SPAG16: variants seen among roughly 807,000 people sequenced by gnomAD.
The protein encoded by SPAG16 is sperm associated antigen 16.
SPAG16 carries 86 observed loss-of-function variants against 80.4 expected under a neutral mutation model. The ratio of observed to expected loss-of-function variants is 1.07; its 90% CI spans 0.90 to 1.28. SPAG16 has a LOEUF of 1.28. SPAG16 is among the 50% of genes most tolerant of loss of function. The pLI is 0.00. For missense variants in SPAG16, 870 were observed against 765.3 expected, an observed-to-expected ratio of 1.14 and a Z score of -1.61; for synonymous variants, 294 against 265.9, an observed-to-expected ratio of 1.11 and a Z score of -1.03.
At chr2:213,709,263 T>A (rs919819088) in intron 10 of SPAG16, among the ~76,000 whole-genome samples, 1 of 152,188 alleles carries the variant, frequency 6.6e-6, no homozygotes, top group Admixed American at 6.5e-5. Context: ...CTTTCTCGTT[T>A]GAAATATGGA....
chr2:213,378,916 A>G (rs1036066119), intron 9 of SPAG16, among the ~76,000 whole-genome samples: 5 of 152,222 alleles, frequency 3.3e-5, no homozygotes, highest in African/African-American at 1.2e-4. Flanking sequence ...GTAGTCATGC[A>G]TACTCTTTGC....
intron 10 of SPAG16, among the ~76,000 whole-genome samples, chr2:213,855,370 C>T (rs781485939): frequency 1.3e-5 from 2 of 152,176 alleles, no homozygotes; most frequent in Non-Finnish European, 2.9e-5. Flanking sequence ...CTGGCTTTAC[C>T]ACTTCCTAGC....
intron 11 of SPAG16, among the ~76,000 whole-genome samples, chr2:213,874,405 A>G (rs2372300): frequency 0.59 from 90,393 of 151,952 alleles, 28,763 homozygotes; most frequent in South Asian, 0.85. Flanking sequence ...ATTTTTCTCT[A>G]TTTTTTATTT....
chr2:214,222,532 T>C (rs1309395776), intron 15 of SPAG16, among the ~76,000 whole-genome samples: 2 of 152,202 alleles, frequency 1.3e-5, no homozygotes, highest in African/African-American at 4.8e-5. Flanking sequence ...AATTTTAATC[T>C]CAGAAGAAAA....
chr2:214,139,492 A>G (rs952557753), intron 14 of SPAG16, among the ~76,000 whole-genome samples: 3 of 152,006 alleles, frequency 2.0e-5, no homozygotes, highest in Admixed American at 6.6e-5. Context: ...CATTCATCAT[A>G]TATTAATTAT....
chr2:214,302,050 A>G lies in SPAG16; in HGVS notation c.1721-108090A>G, dbSNP rs185934941. Among the ~76,000 whole-genome samples the G allele has an allele frequency of 2.1e-3, 323 of 152,192 alleles. 4 individuals carry two copies. Among genetic ancestry groups the G allele is most frequent in the African/African-American group, 7.4e-3 (307 of 41,516 alleles). ...TTGTTTGTTTGCCCAAAAGTTATTCAGGAGCAAGTTGTTTAGTTTCCATGT... is the reference window on the plus strand; with the variant it reads ...TTGTTTGTTTGCCCAAAAGTTATTCGGGAGCAAGTTGTTTAGTTTCCATGT... On this transcript the variant is annotated intron_variant, in intron 15 of 15. Coordinates refer to ENST00000331683, the MANE Select transcript of SPAG16 (RefSeq NM_024532.5).
intron 9 of SPAG16, chr2:213,396,571 C>T (rs911148360): frequency 1.8e-5 from 8 of 452,382 alleles, no homozygotes; most frequent in Non-Finnish European, 2.2e-5. Flanking sequence ...CTCTGTCTAA[C>T]TCCATGCCTC....
chr2:213,833,260 T>C (rs1389396802), intron 10 of SPAG16, among the ~76,000 whole-genome samples: 1 of 148,008 alleles, frequency 6.8e-6, no homozygotes, highest in African/African-American at 2.5e-5. Context: ...GCAGCAGGTG[T>C]TTTCTCTCTG....
intron 10 of SPAG16, among the ~76,000 whole-genome samples, chr2:213,534,604 A>T (rs2076178668): frequency 1.3e-5 from 2 of 152,152 alleles, no homozygotes; most frequent in African/African-American, 4.8e-5. Flanking sequence ...TCCCAAAAAC[A>T]TACTCATTGA....
intron 12 of SPAG16, among the ~76,000 whole-genome samples, chr2:214,009,102 C>T (rs1398334264): frequency 6.6e-6 from 1 of 152,118 alleles, no homozygotes; most frequent in Non-Finnish European, 1.5e-5. Flanking sequence ...AACCATAGAG[C>T]AGGAAATCTC....
At chr2:213,878,644 A>C (rs2106017077) in intron 11 of SPAG16, among the ~76,000 whole-genome samples, 1 of 152,188 alleles carries the variant, frequency 6.6e-6, no homozygotes, top group East Asian at 1.9e-4. Context: ...TCTGTGCAGA[A>C]GCTTTTCAGT....
intron 10 of SPAG16, among the ~76,000 whole-genome samples, chr2:213,684,605 C>G (rs9679714): frequency 6.6e-6 from 1 of 151,876 alleles, no homozygotes; most frequent in Non-Finnish European, 1.5e-5. Flanking sequence ...TCTATATAAA[C>G]TATATGTGTT....
chr2:213,964,973 A>G (rs2044634457), intron 12 of SPAG16, among the ~76,000 whole-genome samples: 1 of 152,132 alleles, frequency 6.6e-6, no homozygotes, highest in South Asian at 2.1e-4. Flanking sequence ...TAAGTACAAT[A>G]TTTGGGTCCT....
At chr2:214,279,894 AT>A (rs1692782047) in intron 15 of SPAG16, among the ~76,000 whole-genome samples, 1 of 152,230 alleles carries the variant, frequency 6.6e-6, no homozygotes, top group Non-Finnish European at 1.5e-5. Flanking sequence ...AAACCCATGG[AT>A]CAAAGAAGAA....
At chr2:213,823,560 A>C (rs1280048479) in intron 10 of SPAG16, among the ~76,000 whole-genome samples, 1 of 152,032 alleles carries the variant, frequency 6.6e-6, no homozygotes, top group Non-Finnish European at 1.5e-5. Flanking sequence ...GGGTTTCTCC[A>C]TGTTTGTCAG....
Position 213,763,963 on chromosome 2 carries a change from C to T in SPAG16, c.1071-98522C>T, listed in dbSNP as rs892450822. On this transcript the variant is annotated intron_variant, in intron 10 of 15. Coordinates refer to ENST00000331683, the MANE Select transcript of SPAG16 (RefSeq NM_024532.5). ...GTTGGGCTTCAGGAGGTGTGTGAAC[C>T]AACTAAAATAAAACACAAATGTGAA... is the stretch of plus-strand genomic sequence containing the variant. Among the ~76,000 whole-genome samples the T allele has an allele frequency of 2.0e-5, 3 of 152,122 alleles. No individual in the cohort carries two copies. The East Asian group carries it at 5.8e-4, about 29-fold the overall frequency.
rs546394727 is a variant in SPAG16 at position 213,809,829 on chromosome 2, A to G, written c.1071-52656A>G. Among the ~76,000 whole-genome samples the G allele has an allele frequency of 3.9e-5, 6 of 152,326 alleles. No individual in the cohort carries two copies. The South Asian group carries it at 1.2e-3, about 32-fold the overall frequency. ...TAGATGTGCATGTTTTCCTTTAACA[A>G]CATTAACTCTGTTTCTAGAAATCAG... On this transcript the variant is annotated intron_variant, in intron 10 of 15. Coordinates refer to ENST00000331683, the MANE Select transcript of SPAG16 (RefSeq NM_024532.5).
intron 12 of SPAG16, among the ~76,000 whole-genome samples, chr2:213,959,881 T>C (rs367966798): frequency 6.6e-6 from 1 of 152,142 alleles, no homozygotes; most frequent in Non-Finnish European, 1.5e-5. Flanking sequence ...GGTTTATGAG[T>C]GCTCTCCAAA....
chr2:214,286,597 A>T (rs1378180199), intron 15 of SPAG16, among the ~76,000 whole-genome samples: 4 of 152,092 alleles, frequency 2.6e-5, no homozygotes, highest in Admixed American at 2.6e-4. Context: ...AAATACAAAC[A>T]TTAGCTGGGT....
Sources: allele counts gnomAD v4.1 joint callset (sites outside exome capture counted in the v4.1 genomes callset), GRCh38; gene constraint gnomAD v4.1.1; transcripts MANE v1.5; gene names NCBI Gene and HGNC (gene_info 2026-07-23, HGNC 2026-07-21).